Variants in ABCE1 observed in about 807,000 individuals in gnomAD.
ABCE1 encodes the protein ATP-binding cassette sub-family E member 1.
A neutral mutation model predicts 83.4 loss-of-function variants in ABCE1; 22 were observed. The observed-to-expected ratio is 0.26, with a 90% CI of 0.19 to 0.38. The LOEUF is 0.38. Ranked by LOEUF, ABCE1 falls within the 10% of genes least tolerant of loss-of-function variation. The pLI is 1.00. For synonymous variants in ABCE1, 204 were observed against 233.7 expected (o/e 0.87, Z 1.16); for missense variants, 330 against 721.9 (o/e 0.46, Z 6.22).
intron 3 of ABCE1, 78 bp downstream of exon 3, chr4:145,105,768 C>G: frequency 3.0e-6 from 3 of 993,860 alleles, no homozygotes; most frequent in South Asian, 3.2e-5. Context: ...TATGCTATAA[C>G]TACTTTAAGT....
chr4:145,127,607 AAAAG>A lies in ABCE1; in HGVS notation c.*35_*38del, dbSNP rs1177050318. On this transcript the variant is annotated 3_prime_UTR_variant, in exon 18 of 18. Coordinates refer to ENST00000296577, the MANE Select transcript of ABCE1 (RefSeq NM_002940.3). The stretch of plus-strand genomic sequence containing the variant: ...TGAGAATATTGATAAGCCATTTATT[AAAAG>A]GAGTATTTACTAGAATTTTTTGTCA... 33 of 1,499,238 alleles carry A rather than the reference AAAAG, an allele frequency of 2.2e-5. No individual in the cohort carries two copies. The highest frequency in any genetic ancestry group is 2.8e-5 in the Non-Finnish European group (32 of 1,123,218). 92.9% of individuals were successfully genotyped at this position (1,499,238 alleles called of 1,614,324 possible). A position where few individuals can be genotyped will look rare whatever the true frequency, so the allele number is the denominator to read the frequency against.
intron 9 of ABCE1, among the ~76,000 whole-genome samples, chr4:145,114,565 T>C (rs1033878429): frequency 1.3e-5 from 2 of 152,062 alleles, no homozygotes; most frequent in African/African-American, 4.8e-5. Context: ...CAGGTACTTA[T>C]ATTGACTTAT....
chr4:145,120,345 AG>A (rs1459260762), intron 11 of ABCE1, among the ~76,000 whole-genome samples, 192 bp downstream of exon 11: 2 of 152,092 alleles, frequency 1.3e-5, no homozygotes, highest in East Asian at 3.8e-4. Flanking sequence ...TAATTCAATC[AG>A]GTTAATAGTT....
At chr4:145,104,871 G>A (rs1749255402) in intron 2 of ABCE1, among the ~76,000 whole-genome samples, 1 of 151,656 alleles carries the variant, frequency 6.6e-6, no homozygotes, top group South Asian at 2.1e-4. Context: ...AAGGGTTACA[G>A]TAAACTTTGA....
At chr4:145,118,243 TTC>T in intron 10 of ABCE1, among the ~76,000 whole-genome samples, 1 of 150,360 alleles carries the variant, frequency 6.7e-6, no homozygotes, top group African/African-American at 2.4e-5. Flanking sequence ...GTTTTTTGGT[TTC>T]TTTCTTTCTT....
chr4:145,106,716 A>G (rs1749314337), intron 3 of ABCE1, among the ~76,000 whole-genome samples: 1 of 152,040 alleles, frequency 6.6e-6, no homozygotes, highest in Non-Finnish European at 1.5e-5. Context: ...TTTTCCTTGT[A>G]GAATTGAGTT....
intron 1 of ABCE1, 122 bp from the exon 2 acceptor site, chr4:145,104,262 ATT>A (rs4148237): frequency 2.2e-5 from 8 of 371,816 alleles, no homozygotes; most frequent in East Asian, 1.3e-4. Flanking sequence ...CAAAATTTAT[ATT>A]TTTTTTTTGC....
intron 10 of ABCE1, among the ~76,000 whole-genome samples, 170 bp downstream of exon 10, chr4:145,117,584 A>G (rs1380541044): frequency 6.6e-6 from 1 of 151,898 alleles, no homozygotes; most frequent in Non-Finnish European, 1.5e-5. Flanking sequence ...GTTGTTATAC[A>G]AAATATATTT....
chr4:145,127,583 G>A lies in ABCE1; in HGVS notation c.*10G>A. 1 of 1,544,062 alleles carries A rather than the reference G, an allele frequency of 6.5e-7. No homozygotes were observed. Among genetic ancestry groups the A allele is most frequent in the South Asian group, 1.3e-5 (1 of 78,712 alleles). ...TTTCTTGGATGATTAGACTGACTCTGAGAATATTGATAAGCCATTTATTAA... is the reference window on the plus strand; with the variant it reads ...TTTCTTGGATGATTAGACTGACTCTAAGAATATTGATAAGCCATTTATTAA... On this transcript the variant is annotated 3_prime_UTR_variant, in exon 18 of 18. Transcript: ENST00000296577.
chr4:145,105,162 G>C (rs1483140364), intron 2 of ABCE1, among the ~76,000 whole-genome samples: 1 of 151,986 alleles, frequency 6.6e-6, no homozygotes, highest in Non-Finnish European at 1.5e-5. Context: ...AATTTTAGCT[G>C]TATGTTAGAT....
intron 16 of ABCE1, among the ~76,000 whole-genome samples, chr4:145,124,631 T>C (rs1026990338): frequency 6.6e-6 from 1 of 152,184 alleles, no homozygotes; most frequent in African/African-American, 2.4e-5. Flanking sequence ...ATATAACTTT[T>C]TAAGATTCTC....
At position 145,127,229 on chromosome 4, in the gene ABCE1, T is replaced by TCTAGG. The variant is rs1749911365; in HGVS notation, c.1753-297_1753-296insCTAGG. Reference sequence around the variant, plus strand: ...TTGCATTGATGAAAATGGAATTTAATAGTTTTCCTAGAAATAATAACACAT... The same window carrying TCTAGG: ...TTGCATTGATGAAAATGGAATTTAATCTAGGAGTTTTCCTAGAAATAATAACACAT... On this transcript the variant is annotated intron_variant, in intron 17 of 17. Coordinates refer to ENST00000296577, the MANE Select transcript of ABCE1 (RefSeq NM_002940.3). Among the ~76,000 whole-genome samples, 3 of 152,350 alleles carry TCTAGG rather than the reference T, an allele frequency of 2.0e-5. No homozygotes were observed. The South Asian group carries it at 6.2e-4, about 32-fold the overall frequency.
chr4:145,124,262 T>A (rs1749816614), intron 16 of ABCE1, among the ~76,000 whole-genome samples: 1 of 152,170 alleles, frequency 6.6e-6, no homozygotes, highest in Non-Finnish European at 1.5e-5. Flanking sequence ...TTCAGCATGT[T>A]TTCTGGTATT....
intron 1 of ABCE1, among the ~76,000 whole-genome samples, chr4:145,101,926 G>A (rs1045142023): frequency 3.3e-5 from 5 of 152,094 alleles, no homozygotes; most frequent in Admixed American, 1.3e-4. Flanking sequence ...GTATATAAAT[G>A]GAATTTAAAC....
At chr4:145,108,427 C>T (rs1033640764) in intron 4 of ABCE1, among the ~76,000 whole-genome samples, 3 of 152,136 alleles carry the variant, frequency 2.0e-5, no homozygotes, top group African/African-American at 7.2e-5. Context: ...CTGAGAGTCA[C>T]TGTTGTTCCT....
intron 11 of ABCE1, 34 bp downstream of exon 11, chr4:145,120,187 T>G: frequency 1.3e-6 from 2 of 1,539,834 alleles, no homozygotes; most frequent in Non-Finnish European, 1.8e-6. Flanking sequence ...GTAAAAATCT[T>G]CCTGTTTATC....
chr4:145,119,291 TCA>T (rs1474652117), intron 10 of ABCE1, among the ~76,000 whole-genome samples: 2 of 151,978 alleles, frequency 1.3e-5, no homozygotes, highest in African/African-American at 2.4e-5. Context: ...GCTTTTCATT[TCA>T]GTGTGTCTGC....
At chr4:145,114,426 C>G (rs1041277024) in intron 9 of ABCE1, among the ~76,000 whole-genome samples, 24 of 151,832 alleles carry the variant, frequency 1.6e-4, no homozygotes, top group African/African-American at 4.1e-4. Context: ...ATAATATCTA[C>G]GTTCATATAA....
chr4:145,128,665 G>A lies in ABCE1; in HGVS notation c.*1092G>A, dbSNP rs1163093685. ...TGAACAGGATTACCTGGAGCCTGGA[G>A]CCACTTTAAGTTGTACTTCTGACTA... is the stretch of plus-strand genomic sequence containing the variant. On this transcript the variant is annotated 3_prime_UTR_variant, in exon 18 of 18. Transcript: ENST00000296577. 6.6e-6 allele frequency: 1 copy of A among 152,162 alleles called. No homozygotes were observed. Among genetic ancestry groups the A allele is most frequent in the Non-Finnish European group, 1.5e-5 (1 of 68,018 alleles). 9.4% of individuals were successfully genotyped at this position (152,162 alleles called of 1,614,324 possible).
Sources: gnomAD v4.1 joint callset for allele counts (sites outside exome capture counted in the v4.1 genomes callset) on GRCh38, gnomAD v4.1.1 for gene constraint, MANE v1.5 for transcripts, NCBI Gene and HGNC (gene_info 2026-07-23, HGNC 2026-07-21) for gene names.